The following DMD variants were observed in gnomAD, a reference collection of about 807,000 sequenced individuals.
DMD encodes dystrophin.
A neutral mutation model predicts 330.1 loss-of-function variants in DMD; 63 were observed. The ratio of observed to expected loss-of-function variants is 0.19; its 90% CI spans 0.16 to 0.24. The LOEUF is 0.24. DMD is among the 10% of genes least tolerant of loss of function. The probability of loss-of-function intolerance (pLI) is 1.00; values close to 1 mark genes in which losing one functional copy is unlikely to be tolerated. For synonymous variants in DMD, 1,223 were observed against 959.8 expected (o/e 1.27, Z -5.07); for missense variants, 3,344 against 2,684.1 (o/e 1.25, Z -5.43).
chrX:31,560,018 C>A (rs898080716), intron 55 of DMD, among the ~76,000 whole-genome samples: 1 of 112,089 alleles, frequency 8.9e-6, no homozygotes, highest in Non-Finnish European at 1.9e-5. Context: ...CTGCCATTTT[C>A]TGGCCACCTG....
chrX:33,245,519 T>G (rs746914630), intron 1 of DMD, among the ~76,000 whole-genome samples: 12 of 112,316 alleles, frequency 1.1e-4, no homozygotes, highest in African/African-American at 3.9e-4. Context: ...GTGAACTAGA[T>G]CTATTCTGTG....
At chrX:32,037,532 C>A (rs1234468843) in intron 44 of DMD, among the ~76,000 whole-genome samples, 1 of 111,452 alleles carries the variant, frequency 9.0e-6, no homozygotes, top group East Asian at 2.8e-4. Context: ...CAATAATTTT[C>A]AGTTATAGCC....
chrX:31,536,732 T>C (rs149372737), intron 55 of DMD, among the ~76,000 whole-genome samples: 44 of 111,813 alleles, frequency 3.9e-4, no homozygotes, highest in African/African-American at 1.3e-3. Context: ...TCTCCCCTGA[T>C]GTTGTAATAG....
chrX:31,522,537 A>ATTAGAGGCAAGAGAATATGGAGAT (rs1319854707), intron 55 of DMD, among the ~76,000 whole-genome samples: 4 of 106,389 alleles, frequency 3.8e-5, no homozygotes, highest in Non-Finnish European at 7.7e-5. Flanking sequence ...AGGCAAGAAC[A>ATTAGAGGCAAGAGAATATGGAGAT]TTAGAGGCAA....
Position 32,431,878 on chromosome X carries a change from G to C in DMD, c.4071+6363C>G, listed in dbSNP as rs752153457. Reference sequence around the variant, plus strand: ...TTTTCTTGTGCGTGTGAGTGAGTGTGTGTATGTCTATGTGTTTATGATGAG... The same window carrying C: ...TTTTCTTGTGCGTGTGAGTGAGTGTCTGTATGTCTATGTGTTTATGATGAG... On this transcript the variant is annotated intron_variant, in intron 29 of 78. Coordinates refer to ENST00000357033, the MANE Select transcript of DMD (RefSeq NM_004006.3). Among the ~76,000 whole-genome samples the C allele has an allele frequency of 2.7e-5, 3 of 111,164 alleles. No homozygotes were observed. The East Asian group carries it at 8.5e-4, about 31-fold the overall frequency.
intron 20 of DMD, among the ~76,000 whole-genome samples, chrX:32,489,158 C>T (rs372159591): frequency 7.3e-4 from 81 of 110,812 alleles, no homozygotes; most frequent in Admixed American, 3.9e-4. Context: ...CTCTGCTTTC[C>T]GTAAATACAA....
chrX:32,704,335 A>C (rs1283453526), intron 7 of DMD, among the ~76,000 whole-genome samples: 1 of 92,876 alleles, frequency 1.1e-5, no homozygotes, highest in East Asian at 2.9e-4. Flanking sequence ...CAAGAAAGTC[A>C]ATGTGAGTAA....
chrX:31,798,466 G>A (rs2091925442), intron 50 of DMD, among the ~76,000 whole-genome samples: 1 of 107,371 alleles, frequency 9.3e-6, no homozygotes, highest in Admixed American at 1.0e-4. Flanking sequence ...TAGATAGTCA[G>A]ATATTCAGCA....
intron 52 of DMD, among the ~76,000 whole-genome samples, chrX:31,724,135 G>C (rs1469618265): frequency 8.9e-6 from 1 of 112,315 alleles, no homozygotes; most frequent in Non-Finnish European, 1.9e-5. Flanking sequence ...ATAACAGGTT[G>C]ACAGCAGGTG....
intron 44 of DMD, among the ~76,000 whole-genome samples, chrX:32,042,432 A>G (rs146736965): frequency 1.1e-3 from 126 of 110,070 alleles, no homozygotes; most frequent in African/African-American, 3.9e-3. Flanking sequence ...AAGGGGGAAG[A>G]GCCCTTTATA....
At chrX:32,130,811 T>C (rs150887651) in intron 44 of DMD, among the ~76,000 whole-genome samples, 2 of 112,452 alleles carry the variant, frequency 1.8e-5, no homozygotes, top group Non-Finnish European at 3.7e-5. Flanking sequence ...TCTGGTGTTA[T>C]GTCTCAACTC....
intron 2 of DMD, among the ~76,000 whole-genome samples, chrX:32,884,288 TGATTTCCAATCAGGTAGGCA>T (rs2084311408): frequency 9.0e-6 from 1 of 111,552 alleles, no homozygotes; most frequent in African/African-American, 3.3e-5. Context: ...TTCAACATAA[TGATTTCCAATCAGGTAGGCA>T]GGAAATGAGG....
intron 1 of DMD, among the ~76,000 whole-genome samples, chrX:33,107,609 G>A (rs928540880): frequency 9.0e-6 from 1 of 110,924 alleles, no homozygotes; most frequent in African/African-American, 3.3e-5. Flanking sequence ...TATTGACTAT[G>A]AATTTATAGA....
At chrX:32,563,199 G>T (rs2051251400) in intron 16 of DMD, among the ~76,000 whole-genome samples, 1 of 108,768 alleles carries the variant, frequency 9.2e-6, no homozygotes, top group African/African-American at 3.4e-5. Context: ...AATTAGTGGG[G>T]TGTCATGGTA....
intron 7 of DMD, among the ~76,000 whole-genome samples, chrX:32,727,445 T>A (rs2067017247): frequency 3.6e-5 from 4 of 111,166 alleles, no homozygotes; most frequent in East Asian, 5.7e-4. Context: ...CTAGACCACC[T>A]TCTAAATTCA....
chrX:31,968,355 A>T lies in DMD; in HGVS notation c.6598T>A (p.Ser2200Thr). 1.7e-6 allele frequency: 2 copies of T among 1,210,316 alleles called. No individual in the cohort carries two copies. Among genetic ancestry groups the T allele is most frequent in the Non-Finnish European group, 2.2e-6 (2 of 894,652 alleles). The change falls in exon 45 of 79, where the codon TCA becomes ACA. Residue 2200 changes from serine to threonine, a missense_variant. Transcript: ENST00000357033. ...LRWQEVCKQL[S>T]DRKKRLEEQK... ...TCGCCCTACCTCTTTTTTCTGTCTG[A>T]CAGCTGTTTGCAGACCTCCTGCCAC...
At chrX:32,957,985 A>C (rs1191825040) in intron 2 of DMD, among the ~76,000 whole-genome samples, 1 of 112,019 alleles carries the variant, frequency 8.9e-6, no homozygotes, top group Non-Finnish European at 1.9e-5. Flanking sequence ...AATCACTATA[A>C]ATCTTTGTGT....
chrX:33,283,925 G>A (rs1357759208), intron 1 of DMD, among the ~76,000 whole-genome samples: 1 of 110,100 alleles, frequency 9.1e-6, no homozygotes, highest in Non-Finnish European at 1.9e-5. Context: ...GGCTGAGGCA[G>A]GAGAATGGCG....
chrX:32,418,497 C>A (rs1308414001), intron 29 of DMD, among the ~76,000 whole-genome samples: 2 of 111,575 alleles, frequency 1.8e-5, no homozygotes, highest in South Asian at 7.4e-4. Context: ...TATCCGTCTA[C>A]CAACATACAT....
Sources: allele counts gnomAD v4.1 joint callset (sites outside exome capture counted in the v4.1 genomes callset), GRCh38; gene constraint gnomAD v4.1.1; transcripts MANE v1.5; gene names NCBI Gene and HGNC (gene_info 2026-07-23, HGNC 2026-07-21).